Variants in IL36B observed in about 807,000 individuals in gnomAD.
IL36B encodes the protein interleukin 36 beta.
A neutral mutation model predicts 19.3 loss-of-function variants in IL36B; 23 were observed. The observed-to-expected ratio is 1.19, with a 90% CI of 0.86 to 1.69. IL36B has a LOEUF of 1.69. IL36B is among the 40% of genes most tolerant of loss of function. The pLI is 0.00. For missense variants in IL36B, 217 were observed against 200.5 expected (o/e 1.08, Z -0.50); for synonymous variants, 59 against 59.7 (o/e 0.99, Z 0.05).
In IL36B at chr2:113,045,801, T is replaced by C. The variant is rs34911754; in HGVS notation, c.-58+7016A>G. 5.4e-3 allele frequency among the ~76,000 whole-genome samples: 828 copies of C among 152,336 alleles called. 8 individuals are homozygous for C. Among genetic ancestry groups the C allele is most frequent in the African/African-American group, 0.019 (774 of 41,572 alleles). ...ATGGCAGTTTTTACATCTTGGAGTT[T>C]GACTTGAGTCTGTTTTAAGCTCTTT... On this transcript the variant is annotated intron_variant, in intron 1 of 5. Coordinates refer to ENST00000259213, the MANE Select transcript of IL36B (RefSeq NM_014438.5).
Position 113,038,830 on chromosome 2 carries a change from C to A in IL36B, c.-57-7064G>T, listed in dbSNP as rs1445705642. Among the ~76,000 whole-genome samples the A allele has an allele frequency of 2.0e-5, 3 of 152,326 alleles. No individual in the cohort carries two copies. The East Asian group carries it at 5.8e-4, about 29-fold the overall frequency. Reference sequence around the variant, plus strand: ...GAGATGAGGATAAAAGATTGAGCTGCAGAGCCAATCATTAATTCAGAGACA... The same window carrying A: ...GAGATGAGGATAAAAGATTGAGCTGAAGAGCCAATCATTAATTCAGAGACA... On this transcript the variant is annotated intron_variant, in intron 1 of 5. Transcript: ENST00000259213.
At chr2:113,037,611 T>A (rs1464822510) in intron 1 of IL36B, among the ~76,000 whole-genome samples, 1 of 150,832 alleles carries the variant, frequency 6.6e-6, no homozygotes, top group Non-Finnish European at 1.5e-5. Flanking sequence ...ATCACGCCAC[T>A]GCACTCCAAC....
At chr2:113,040,274 G>C in intron 1 of IL36B, among the ~76,000 whole-genome samples, 1 of 152,048 alleles carries the variant, frequency 6.6e-6, no homozygotes, top group East Asian at 1.9e-4. Context: ...TTAAAATAGT[G>C]CCCAAGAAAA....
intron 1 of IL36B, among the ~76,000 whole-genome samples, chr2:113,048,439 C>T (rs1202524397): frequency 1.3e-5 from 2 of 151,972 alleles, no homozygotes; most frequent in Non-Finnish European, 2.9e-5. Context: ...GAGACTCTGC[C>T]TCAAACAAAA....
chr2:113,036,938 TC>T lies in IL36B; in HGVS notation c.-57-5173del, dbSNP rs141588020. Among the ~76,000 whole-genome samples the T allele has an allele frequency of 3.9e-3, 591 of 152,374 alleles. 4 individuals carry two copies. Among genetic ancestry groups the T allele is most frequent in the African/African-American group, 0.013 (559 of 41,588 alleles). On this transcript the variant is annotated intron_variant, in intron 1 of 5. Transcript: ENST00000259213. ...CCTGCCTGCAGGGAATTTGCGCTGC[TC>T]CGATTCTCCAGTCTGGGGAATGTAA...
intron 1 of IL36B, among the ~76,000 whole-genome samples, chr2:113,051,321 G>A (rs1053212539): frequency 1.3e-5 from 2 of 152,368 alleles, no homozygotes; most frequent in Middle Eastern, 6.8e-3. Context: ...GAAAGCGCCT[G>A]AATGTGGATC....
At chr2:113,040,701 C>T (rs1685240386) in intron 1 of IL36B, among the ~76,000 whole-genome samples, 1 of 152,084 alleles carries the variant, frequency 6.6e-6, no homozygotes, top group Non-Finnish European at 1.5e-5. Context: ...GACCTGTGCA[C>T]CAAAAACTAC....
intron 4 of IL36B, chr2:113,028,071 C>CTT: frequency 6.2e-7 from 1 of 1,614,096 alleles, no homozygotes; most frequent in Non-Finnish European, 8.5e-7. Flanking sequence ...AGAGAAAGGG[C>CTT]TTCTGTGCTT....
Position 113,039,846 on chromosome 2 carries a change from A to G in IL36B, c.-57-8080T>C, listed in dbSNP as rs148263369. 9.4e-4 allele frequency among the ~76,000 whole-genome samples: 114 copies of G among 121,658 alleles called. No individual in the cohort carries two copies. In the East Asian group the frequency reaches 0.028, roughly 30 times the overall value. 79.8% of individuals were successfully genotyped at this position (121,658 alleles called of 152,430 possible). On this transcript the variant is annotated intron_variant, in intron 1 of 5. Transcript: ENST00000259213. ...GATCAGGACTTTTACAAAAACAGCT[A>G]TAAGACCTGGGTCAGATAGCGAAGG...
chr2:113,028,215 A>G (rs1052114649), intron 4 of IL36B, 100 bp from the exon 5 acceptor site: 64 of 925,346 alleles, frequency 6.9e-5, no homozygotes, highest in Non-Finnish European at 9.4e-5. Context: ...GCTGCCCCCA[A>G]AGGAAGGGAC....
At chr2:113,031,893 A>G in intron 1 of IL36B, 127 bp from the exon 2 acceptor site, 1 of 573,894 alleles carries the variant, frequency 1.7e-6, no homozygotes. Flanking sequence ...TCCTAGATGC[A>G]TATTTGAGAA....
At chr2:113,029,202 C>T in intron 3 of IL36B, 124 bp from the exon 4 acceptor site, 1 of 924,818 alleles carries the variant, frequency 1.1e-6, no homozygotes, top group Non-Finnish European at 1.6e-6. Context: ...GACCCTCCAT[C>T]ACCCTCCTCA....
intron 1 of IL36B, among the ~76,000 whole-genome samples, chr2:113,050,755 T>G (rs752201504): frequency 2.0e-5 from 3 of 152,206 alleles, no homozygotes; most frequent in Admixed American, 6.5e-5. Context: ...GTTTCTGTTT[T>G]TGAGGAGCCC....
intron 1 of IL36B, among the ~76,000 whole-genome samples, chr2:113,044,278 G>A (rs1045346007): frequency 2.8e-5 from 3 of 108,404 alleles, no homozygotes; most frequent in Admixed American, 1.8e-4. Context: ...GTGTGTGTGT[G>A]TGTGTGTGTG....
chr2:113,052,507 G>T (rs181941525), intron 1 of IL36B, among the ~76,000 whole-genome samples: 4 of 152,278 alleles, frequency 2.6e-5, no homozygotes, highest in Admixed American at 6.5e-5. Context: ...CAGTTAAATG[G>T]GAATAAGCAT....
chr2:113,049,397 G>C (rs2105058926), intron 1 of IL36B, among the ~76,000 whole-genome samples: 1 of 152,184 alleles, frequency 6.6e-6, no homozygotes, highest in South Asian at 2.1e-4. Flanking sequence ...GTCATATAAG[G>C]GGTTGACATC....
At chr2:113,032,136 T>TGTGTGG in intron 1 of IL36B, among the ~76,000 whole-genome samples, 1 of 91,500 alleles carries the variant, frequency 1.1e-5, no homozygotes, top group African/African-American at 4.2e-5. Context: ...TGTGTGTCTG[T>TGTGTGG]GTGTGTGTGT....
chr2:113,049,626 G>GA (rs1685407682), intron 1 of IL36B, among the ~76,000 whole-genome samples: 1 of 152,106 alleles, frequency 6.6e-6, no homozygotes, highest in South Asian at 2.1e-4. Flanking sequence ...GTTGCTATTA[G>GA]AAAAAAATAG....
At chr2:113,035,547 A>G (rs1269382074) in intron 1 of IL36B, among the ~76,000 whole-genome samples, 2 of 152,192 alleles carry the variant, frequency 1.3e-5, no homozygotes, top group East Asian at 3.8e-4. Flanking sequence ...GAAGTTTGGC[A>G]GGGATGTTGT....
Sources: allele counts gnomAD v4.1 joint callset (sites outside exome capture counted in the v4.1 genomes callset), GRCh38; gene constraint gnomAD v4.1.1; transcripts MANE v1.5; gene names NCBI Gene and HGNC (gene_info 2026-07-23, HGNC 2026-07-21).